The following PATJ variants were observed in gnomAD, a reference collection of about 807,000 sequenced individuals.
The protein encoded by PATJ is PATJ crumbs cell polarity complex component.
A neutral mutation model predicts 224.9 loss-of-function variants in PATJ; 190 were observed. That is an observed-to-expected ratio of 0.84 (90% CI 0.75 to 0.95). The LOEUF (loss-of-function observed/expected upper bound fraction) is 0.95. Among genes scored for constraint, PATJ ranks in the 40% least tolerant of loss-of-function variants. PATJ has a pLI of 0.00. For synonymous variants in PATJ, 769 were observed against 820.3 expected (o/e 0.94, Z 1.07); for missense variants, 2,121 against 2,270.3 (o/e 0.93, Z 1.34).
intron 12 of PATJ, 28 bp from the exon 13 acceptor site, chr1:61,805,420 G>A (rs561562312): frequency 1.2e-5 from 17 of 1,426,840 alleles, no homozygotes; most frequent in Admixed American, 5.2e-5. Flanking sequence ...ACATTCTCTC[G>A]CTCTCTCTCT....
intron 31 of PATJ, among the ~76,000 whole-genome samples, chr1:62,058,835 G>A (rs947681567): frequency 2.6e-5 from 4 of 152,136 alleles, no homozygotes; most frequent in Non-Finnish European, 4.4e-5. Context: ...TGCCACACTT[G>A]GTCTAACGCA....
intron 1 of PATJ, among the ~76,000 whole-genome samples, chr1:61,747,364 G>C (rs1238869229): frequency 8.9e-6 from 1 of 112,942 alleles, no homozygotes; most frequent in African/African-American, 3.0e-5. Context: ...TCGTACAGCT[G>C]TCCAGCCAGT....
chr1:61,834,683 A>G (rs142418807), intron 17 of PATJ, among the ~76,000 whole-genome samples: 2 of 152,368 alleles, frequency 1.3e-5, no homozygotes, highest in African/African-American at 4.8e-5. Flanking sequence ...TTTTTAATAT[A>G]ATAAGGCAAT....
intron 14 of PATJ, 63 bp from the exon 15 acceptor site, chr1:61,822,882 T>G (rs900995954): frequency 6.3e-7 from 1 of 1,596,980 alleles, no homozygotes; most frequent in African/African-American, 1.3e-5. Flanking sequence ...TAGCACTGGA[T>G]GGAGGATGAA....
At chr1:62,045,225 TAA>T (rs761133678) in intron 30 of PATJ, among the ~76,000 whole-genome samples, 21 of 104,442 alleles carry the variant, frequency 2.0e-4, no homozygotes, top group South Asian at 2.9e-4. Context: ...CCGTCTCAAA[TAA>T]AAAAAAAAAA....
intron 1 of PATJ, among the ~76,000 whole-genome samples, chr1:61,750,353 A>G (rs1381493409): frequency 6.6e-6 from 1 of 151,728 alleles, no homozygotes; most frequent in Non-Finnish European, 1.5e-5. Context: ...TTCCATTAAT[A>G]ATAATTAGTG....
chr1:61,871,895 G>A (rs568074606), intron 20 of PATJ, among the ~76,000 whole-genome samples: 12 of 142,758 alleles, frequency 8.4e-5, no homozygotes, highest in African/African-American at 2.3e-4. Context: ...TAGTAGAGAC[G>A]GGGTTTCTCC....
chr1:61,787,816 G>A lies in PATJ; in HGVS notation c.912G>A (p.Met304Ile). The A allele has an allele frequency of 6.2e-7, 1 of 1,614,206 alleles. No homozygotes were observed. Among genetic ancestry groups the A allele is most frequent in the Non-Finnish European group, 8.5e-7 (1 of 1,180,034 alleles). ...TTGGTGGCACAAACGTGCAGGGAAT[G>A]ACCAGTGAGCAAGTTGCACAAGTTC... Reference protein sequence around the residue: ...LKIGGTNVQGMTSEQVAQVLR... With the variant: ...LKIGGTNVQGITSEQVAQVLR... Residue 304 changes from methionine (M) to isoleucine (I), a missense_variant, in exon 8 of 44, where the codon ATG (methionine) becomes ATA (isoleucine). Physicochemically the swap from Met to Ile is conservative, Grantham distance 10 (BLOSUM62 1). Transcript: ENST00000642238.
intron 29 of PATJ, among the ~76,000 whole-genome samples, chr1:62,034,926 C>T (rs190514194): frequency 3.3e-5 from 5 of 152,202 alleles, no homozygotes; most frequent in South Asian, 4.2e-4. Context: ...TTTTTAATGC[C>T]GGTAACCTTT....
rs527805180 is a variant in PATJ at position 61,908,412 on chromosome 1, C to G, written c.3422C>G (p.Ala1141Gly). ...VDLQNASHSE[A>G]VEAIKNAGNP... ...TTGCAGAATGCCTCACACAGCGAAG[C>G]AGTTGAGGCCATTAAGAATGCAGGA... Residue 1141 changes from alanine to glycine, a missense_variant, in exon 25 of 44, where the codon GCA becomes GGA. Ala to Gly is a moderately conservative substitution (Grantham distance 60, BLOSUM62 0). Transcript: ENST00000642238. The G allele has an allele frequency of 1.6e-5, 26 of 1,613,858 alleles. No individual in the cohort carries two copies. The South Asian group carries it at 2.5e-4, about 16-fold the overall frequency.
At chr1:61,895,644 T>G (rs563514181) in intron 22 of PATJ, among the ~76,000 whole-genome samples, 1 of 137,848 alleles carries the variant, frequency 7.3e-6, no homozygotes, top group East Asian at 2.2e-4. Context: ...AATGTCTGGA[T>G]GTCCAGGCAG....
At chr1:62,016,491 G>C (rs988306883) in intron 28 of PATJ, among the ~76,000 whole-genome samples, 1 of 152,116 alleles carries the variant, frequency 6.6e-6, no homozygotes, top group Non-Finnish European at 1.5e-5. Flanking sequence ...AATAGGAATA[G>C]TATAGTTATA....
At chr1:61,801,941 T>C (rs1301805935) in intron 12 of PATJ, among the ~76,000 whole-genome samples, 172 bp downstream of exon 12, 2 of 151,868 alleles carry the variant, frequency 1.3e-5, no homozygotes, top group Non-Finnish European at 1.5e-5. Context: ...TTTTTCTTTT[T>C]TTTTTTTAAT....
intron 28 of PATJ, among the ~76,000 whole-genome samples, chr1:62,010,479 T>C (rs1646381487): frequency 7.2e-6 from 1 of 138,140 alleles, no homozygotes; most frequent in South Asian, 2.7e-4. Flanking sequence ...CAGTCTACTC[T>C]CTGTCTTCAT....
At chr1:62,029,944 T>C (rs971601143) in intron 29 of PATJ, among the ~76,000 whole-genome samples, 24 of 152,140 alleles carry the variant, frequency 1.6e-4, no homozygotes, top group Non-Finnish European at 2.5e-4. Context: ...AGGGAACTCA[T>C]TGATGTTGGG....
intron 22 of PATJ, 149 bp downstream of exon 22, chr1:61,884,557 C>T (rs1432166950): frequency 1.6e-6 from 1 of 607,878 alleles, no homozygotes; most frequent in Non-Finnish European, 2.6e-6. Flanking sequence ...TTGACAATTA[C>T]TATGAGAATT....
At chr1:62,156,423 G>A (rs577936427) in intron 43 of PATJ, among the ~76,000 whole-genome samples, 6 of 151,924 alleles carry the variant, frequency 3.9e-5, no homozygotes, top group South Asian at 2.1e-4. Flanking sequence ...CCAGCTACTC[G>A]GGAGGCTGAG....
At chr1:61,918,964 AT>A (rs1673872139) in intron 26 of PATJ, among the ~76,000 whole-genome samples, 5 of 152,144 alleles carry the variant, frequency 3.3e-5, no homozygotes, top group Non-Finnish European at 7.4e-5. Context: ...TCTCAAAAAA[AT>A]TTTTAAAAAG....
chr1:61,984,953 A>C (rs186467996), intron 27 of PATJ, among the ~76,000 whole-genome samples: 2,044 of 152,160 alleles, frequency 0.013, 39 homozygotes, highest in Middle Eastern at 0.041. Flanking sequence ...GATTCAATTC[A>C]TAGTAATTCA....
Sources: allele counts gnomAD v4.1 joint callset (sites outside exome capture counted in the v4.1 genomes callset), GRCh38; gene constraint gnomAD v4.1.1; transcripts MANE v1.5; gene names NCBI Gene and HGNC (gene_info 2026-07-23, HGNC 2026-07-21).